Variants in RAB3GAP1 observed in about 807,000 individuals in gnomAD.
RAB3GAP1 encodes rab3 GTPase-activating protein catalytic subunit.
A neutral mutation model predicts 130.7 loss-of-function variants in RAB3GAP1; 86 were observed. The observed-to-expected ratio is 0.66, with a 90% CI of 0.55 to 0.79. The LOEUF (loss-of-function observed/expected upper bound fraction) is 0.79, where lower values mean the gene tolerates loss of function less well. Ranked by LOEUF, RAB3GAP1 falls within the 30% of genes least tolerant of loss-of-function variation. The pLI, the probability that RAB3GAP1 is intolerant of heterozygous loss-of-function variation, is 0.00. For synonymous variants in RAB3GAP1, 367 were observed against 401.7 expected (o/e 0.91, Z 1.03); for missense variants, 1,029 against 1,169.4 (o/e 0.88, Z 1.75).
chr2:135,117,599 TTCTTCTG>T lies in RAB3GAP1; in HGVS notation c.648+2219_648+2225del, dbSNP rs1257900805. Among the ~76,000 whole-genome samples the T allele has an allele frequency of 7.3e-5, 11 of 150,482 alleles. No individual in the cohort carries two copies. The South Asian group carries it at 1.3e-3, about 18-fold the overall frequency. ...CTTCTTCTGCTTCTTCTTCTGCTGC[TTCTTCTG>T]CTTCTTCTGCTTCTGCTTCTTCTGC... On this transcript the variant is annotated intron_variant, in intron 7 of 23. Transcript: ENST00000264158.
At chr2:135,075,073 G>A (rs1305561975) in intron 3 of RAB3GAP1, among the ~76,000 whole-genome samples, 1 of 152,138 alleles carries the variant, frequency 6.6e-6, no homozygotes, top group African/African-American at 2.4e-5. Context: ...AAAAAAAAAT[G>A]CTTCTGGAAT....
At chr2:135,119,969 A>G (rs1192894296) in intron 7 of RAB3GAP1, among the ~76,000 whole-genome samples, 1 of 152,210 alleles carries the variant, frequency 6.6e-6, no homozygotes, top group Non-Finnish European at 1.5e-5. Context: ...GATAAATCTA[A>G]GTTTTCTTTT....
chr2:135,141,464 T>C (rs1194622362), intron 17 of RAB3GAP1, among the ~76,000 whole-genome samples: 1 of 152,118 alleles, frequency 6.6e-6, no homozygotes, highest in Non-Finnish European at 1.5e-5. Flanking sequence ...GACCTCGTGA[T>C]CTGCCTGTCT....
At chr2:135,153,987 T>A in intron 19 of RAB3GAP1, 111 bp downstream of exon 19, 1 of 977,766 alleles carries the variant, frequency 1.0e-6, no homozygotes, top group Non-Finnish European at 1.6e-6. Flanking sequence ...TGCAAAGCAT[T>A]GAAATTCAAT....
At position 135,124,479 on chromosome 2, in the gene RAB3GAP1, C is replaced by T. The variant is rs188392795; in HGVS notation, c.830+233C>T. Reference sequence around the variant, plus strand: ...AGGAGTTCGAGAACAGCCTGACCAACGTGGCGAAACCCCATCTCTACTAAA... The same window carrying T: ...AGGAGTTCGAGAACAGCCTGACCAATGTGGCGAAACCCCATCTCTACTAAA... On this transcript the variant is annotated intron_variant, in intron 9 of 23. Transcript: ENST00000264158. 2.9e-3 allele frequency among the ~76,000 whole-genome samples: 434 copies of T among 152,204 alleles called. 2 individuals carry two copies. Among genetic ancestry groups the T allele is most frequent in the Admixed American group, 3.6e-3 (55 of 15,294 alleles).
chr2:135,164,610 C>T lies in RAB3GAP1; in HGVS notation c.2623C>T (p.Leu875=). 1 of 1,612,718 alleles carries T rather than the reference C, an allele frequency of 6.2e-7. No individual in the cohort carries two copies. The highest frequency in any genetic ancestry group is 8.5e-7 in the Non-Finnish European group (1 of 1,179,144). ...GTCTCCTAGGTTTGTGAGTTGCCTG[C>T]TGGAGCAGCCTGAAGTGTTAGTCAC... ...EDLERFVSCL[L]EQPEVLVTGA... Residue 875 remains leucine (L), a synonymous_variant, in exon 23 of 24, where the codon CTG becomes TTG. Transcript: ENST00000264158.
chr2:135,109,878 G>A lies in RAB3GAP1; in HGVS notation c.363-3273G>A, dbSNP rs115343744. On this transcript the variant is annotated intron_variant, in intron 5 of 23. Transcript: ENST00000264158. ...ATTACAGGTGTGAGCCACCGCTCCC[G>A]GCCTTTGTGTATTTTCTTTTGAGTG... 4.2e-3 allele frequency among the ~76,000 whole-genome samples: 639 copies of A among 152,088 alleles called. 7 individuals are homozygous for A. Among genetic ancestry groups the A allele is most frequent in the African/African-American group, 0.015 (605 of 41,478 alleles).
rs1045536692 is a variant in RAB3GAP1, at chr2:135,170,228, A to G, written c.*1447A>G. Reference sequence around the variant, plus strand: ...GTTTTCTAACAAAGAAAAATTCTACAAAGGAGAGGTTGGGCGTTACAAAGG... The same window carrying G: ...GTTTTCTAACAAAGAAAAATTCTACGAAGGAGAGGTTGGGCGTTACAAAGG... On this transcript the variant is annotated 3_prime_UTR_variant, in exon 24 of 24. Transcript: ENST00000264158. 2 of 152,032 alleles carry G rather than the reference A, an allele frequency of 1.3e-5. No homozygotes were observed. The highest frequency in any genetic ancestry group is 2.9e-5 in the Non-Finnish European group (2 of 68,038). 9.4% of individuals were successfully genotyped at this position (152,032 alleles called of 1,614,324 possible).
At position 135,106,802 on chromosome 2, in the gene RAB3GAP1, GA is replaced by G. The variant is rs1001588497; in HGVS notation, c.363-6339del. Among the ~76,000 whole-genome samples, 50 of 136,342 alleles carry G rather than the reference GA, an allele frequency of 3.7e-4. No homozygotes were observed. The South Asian group carries it at 7.2e-3, about 20-fold the overall frequency. 89.4% of individuals were successfully genotyped at this position (136,342 alleles called of 152,430 possible). ...AAAAAAGTAAAAAAAAAAGCAAGCTGAAAAAAAAAAGGAAAAACAAATGTGA... is the reference window on the plus strand; with the variant it reads ...AAAAAAGTAAAAAAAAAAGCAAGCTGAAAAAAAAAGGAAAAACAAATGTGA... On this transcript the variant is annotated intron_variant, in intron 5 of 23. Transcript: ENST00000264158.
chr2:135,106,038 G>GCCGCC (rs1690600201), intron 5 of RAB3GAP1, among the ~76,000 whole-genome samples: 1 of 152,036 alleles, frequency 6.6e-6, no homozygotes, highest in African/African-American at 2.4e-5. Context: ...CCGCCCGGCA[G>GCCGCC]CCGCCCCATC....
At chr2:135,164,723 T>C in intron 23 of RAB3GAP1, 27 bp downstream of exon 23, 1 of 1,521,448 alleles carries the variant, frequency 6.6e-7, no homozygotes, top group Non-Finnish European at 9.1e-7. Context: ...ATTGACTCCA[T>C]CATAATCTCT....
intron 3 of RAB3GAP1, among the ~76,000 whole-genome samples, chr2:135,080,855 A>G (rs1432652127): frequency 3.3e-5 from 5 of 152,128 alleles, no homozygotes; most frequent in Non-Finnish European, 7.3e-5. Flanking sequence ...CTGAGCCTCG[A>G]TATCATTCCT....
At chr2:135,124,067 G>T (rs1168221052) in intron 8 of RAB3GAP1, 98 bp from the exon 9 acceptor site, 2 of 1,165,410 alleles carry the variant, frequency 1.7e-6, no homozygotes, top group Non-Finnish European at 2.5e-6. Context: ...GTGTTCTCTT[G>T]CAGACACTTT....
chr2:135,076,488 C>T (rs899128985), intron 3 of RAB3GAP1, among the ~76,000 whole-genome samples: 1 of 152,054 alleles, frequency 6.6e-6, no homozygotes, highest in Admixed American at 6.5e-5. Context: ...ATTAGAATTT[C>T]CTTTTTGATG....
At chr2:135,137,733 T>A (rs1164123335) in intron 17 of RAB3GAP1, among the ~76,000 whole-genome samples, 1 of 152,174 alleles carries the variant, frequency 6.6e-6, no homozygotes, top group Non-Finnish European at 1.5e-5. Flanking sequence ...TCAAAAATAG[T>A]TTGAAGTCAT....
intron 2 of RAB3GAP1, among the ~76,000 whole-genome samples, chr2:135,056,609 C>T (rs1574071752): frequency 6.6e-6 from 1 of 152,148 alleles, no homozygotes; most frequent in Non-Finnish European, 1.5e-5. Flanking sequence ...AGGTAACTTC[C>T]AGTTTTTTTA....
intron 19 of RAB3GAP1, among the ~76,000 whole-genome samples, chr2:135,162,218 G>A (rs539207452): frequency 1.3e-5 from 2 of 152,246 alleles, no homozygotes; most frequent in South Asian, 2.1e-4. Context: ...CCCTTAGTAC[G>A]TGTATTCTGC....
intron 3 of RAB3GAP1, among the ~76,000 whole-genome samples, chr2:135,088,307 G>A (rs1285741640): frequency 6.6e-6 from 1 of 152,022 alleles, no homozygotes; most frequent in Admixed American, 6.6e-5. Flanking sequence ...ATTACTTACT[G>A]CCTCTTGAGA....
At chr2:135,152,062 T>C (rs1288739817) in intron 18 of RAB3GAP1, among the ~76,000 whole-genome samples, 1 of 152,254 alleles carries the variant, frequency 6.6e-6, no homozygotes, top group Non-Finnish European at 1.5e-5. Context: ...GTAATTTAAA[T>C]AGTCAACTTA....
Sources: gnomAD v4.1 joint callset for allele counts (sites outside exome capture counted in the v4.1 genomes callset) on GRCh38, gnomAD v4.1.1 for gene constraint, MANE v1.5 for transcripts, NCBI Gene and HGNC (gene_info 2026-07-23, HGNC 2026-07-21) for gene names.